ZNF444: variants seen among roughly 807,000 people sequenced by gnomAD.
The protein encoded by ZNF444 is endothelial zinc finger protein 2.
A neutral mutation model predicts 14.4 loss-of-function variants in ZNF444; 8 were observed. That is an observed-to-expected ratio of 0.56 (90% CI 0.33 to 1.00). ZNF444 has a LOEUF of 1.00. Ranked by LOEUF, ZNF444 falls within the 50% of genes least tolerant of loss-of-function variation. The pLI, the probability that ZNF444 is intolerant of heterozygous loss-of-function variation, is 0.03. For missense variants in ZNF444, 510 were observed against 504.8 expected (o/e 1.01, Z -0.10); for synonymous variants, 258 against 235.9 (o/e 1.09, Z -0.86).
chr19:56,159,510 C>T, intron 4 of ZNF444, 114 bp from the exon 5 acceptor site: 1 of 940,842 alleles, frequency 1.1e-6, no homozygotes, highest in Non-Finnish European at 1.5e-6. Flanking sequence ...CAGCCCTCTT[C>T]CCACCCCAAT....
chr19:56,159,969 C>T lies in ZNF444; in HGVS notation c.752C>T (p.Ala251Val), dbSNP rs552719499. 38 of 1,510,626 alleles carry T rather than the reference C, an allele frequency of 2.5e-5. No individual in the cohort carries two copies. In the East Asian group the frequency reaches 8.5e-4, roughly 34 times the overall value. The allele number at this position is 1,510,626 out of a possible 1,614,324, so 93.6% of individuals were successfully genotyped here. The stretch of plus-strand genomic sequence containing the variant: ...CTGCCCGCCCGTGAGAAGCCCCACG[C>T]GTGCTGCGAGTGTGGCAAGACCTTC... The part of the protein sequence containing the change: ...RPLPAREKPH[A>V]CCECGKTFYW... The change falls in exon 5 of 5, where the codon GCG becomes GTG. Residue 251 changes from alanine to valine, a missense_variant. Coordinates refer to ENST00000337080, the MANE Select transcript of ZNF444 (RefSeq NM_018337.4).
exon 1 of ZNF444, chr19:56,132,660 G>A (rs1024703780): frequency 9.8e-5 from 15 of 152,350 alleles, no homozygotes; most frequent in African/African-American, 3.6e-4. Flanking sequence ...GGCTGGAAGT[G>A]GGGGCGAGAC....
Position 56,144,557 on chromosome 19 carries a change from G to T in ZNF444, c.-196-1690G>T, listed in dbSNP as rs943307484. Among the ~76,000 whole-genome samples the T allele has an allele frequency of 2.6e-5, 4 of 152,150 alleles. No individual in the cohort carries two copies. The highest frequency in any genetic ancestry group is 9.7e-5 in the African/African-American group (4 of 41,422). ...TAGGTGGCGAGAGTAGGCATACACG[G>T]GTCTTGTGGCAGCCGTCCCAGCAAT... is the stretch of plus-strand genomic sequence containing the variant. On this transcript the variant is annotated intron_variant, in intron 1 of 4. Transcript: ENST00000337080. The surrounding 1 kb of genome is among the most constrained non-coding windows in gnomAD (Gnocchi z 4.0).
chr19:56,160,448 T>G lies in ZNF444; in HGVS notation c.*247T>G. On this transcript the variant is annotated 3_prime_UTR_variant, in exon 5 of 5. Coordinates refer to ENST00000337080, the MANE Select transcript of ZNF444 (RefSeq NM_018337.4). ...TCTCCCTGATTTCTCGGCCTCTCTC[T>G]CTGTGTGAAGGGGCCTCTCCCTAAT... 1 of 459,332 alleles carries G rather than the reference T, an allele frequency of 2.2e-6. No individual in the cohort carries two copies. Among genetic ancestry groups the G allele is most frequent in the South Asian group, 3.5e-5 (1 of 28,396 alleles). 28.5% of individuals were successfully genotyped at this position (459,332 alleles called of 1,614,324 possible). A position where few individuals can be genotyped will look rare whatever the true frequency, so the allele number is the denominator to read the frequency against.
At chr19:56,139,676 A>G (rs2030697918), upstream of ZNF444, among the ~76,000 whole-genome samples, 1 of 149,892 alleles carries the variant, frequency 6.7e-6, no homozygotes, top group Admixed American at 6.7e-5. Flanking sequence ...ACACAGCCAG[A>G]CCCTGTATCA....
intron 4 of ZNF444, among the ~76,000 whole-genome samples, chr19:56,159,395 C>A (rs1264706028): frequency 6.6e-6 from 1 of 152,128 alleles, no homozygotes; most frequent in Non-Finnish European, 1.5e-5. Context: ...ATTCATCTAC[C>A]CATCCATCAT....
upstream of ZNF444, among the ~76,000 whole-genome samples, chr19:56,136,372 G>T (rs1568544880): frequency 6.6e-6 from 1 of 152,272 alleles, no homozygotes; most frequent in East Asian, 1.9e-4. Context: ...CATTTCATCT[G>T]TCTCATTATA....
intron 3 of ZNF444, 159 bp from the exon 4 acceptor site, chr19:56,158,335 T>TG (rs2032033062): frequency 1.6e-6 from 1 of 642,656 alleles, no homozygotes; most frequent in African/African-American, 1.9e-5. Flanking sequence ...GTTCCTCACC[T>TG]GGGGGCCTCT....
chr19:56,134,044 A>C (rs2030554961), intron 1 of ZNF444, among the ~76,000 whole-genome samples: 1 of 151,800 alleles, frequency 6.6e-6, no homozygotes, highest in Non-Finnish European at 1.5e-5. Context: ...TCCATACGCC[A>C]TCCCCCCTTC....
rs569965622 is a variant in ZNF444, at chr19:56,145,518, G to A, written c.-196-729G>A. ...GGAGAATCGCTTGACCCTGGGAGGC[G>A]GAGGTTGCAGTGAACCAAGATCGCA... On this transcript the variant is annotated intron_variant, in intron 1 of 4. Coordinates refer to ENST00000337080, the MANE Select transcript of ZNF444 (RefSeq NM_018337.4). This position sits in a 1 kb window ranked among gnomAD's most constrained non-coding sequence, Gnocchi z 4.3. 1.3e-5 allele frequency among the ~76,000 whole-genome samples: 2 copies of A among 152,116 alleles called. No individual in the cohort carries two copies. The highest frequency in any genetic ancestry group is 2.4e-5 in the African/African-American group (1 of 41,492).
upstream of ZNF444, among the ~76,000 whole-genome samples, chr19:56,139,604 T>C (rs1400991478): frequency 6.6e-6 from 1 of 151,524 alleles, no homozygotes; most frequent in Non-Finnish European, 1.5e-5. Flanking sequence ...GAGAATCACT[T>C]GAGACTGGGA....
chr19:56,159,867 G>T lies in ZNF444; in HGVS notation c.650G>T (p.Arg217Leu). Residue 217 changes from arginine (R) to leucine (L), a missense_variant, in exon 5 of 5, where the codon CGG (arginine) becomes CTG (leucine). Transcript: ENST00000337080. ...TGCCCTGAGTGCGGGAAGGCCTTTC[G>T]GCGCAAGGAGCACCTGCGGCGCCAC... ...HACPECGKAFRRKEHLRRHRD... is the reference protein window; with the variant it reads ...HACPECGKAFLRKEHLRRHRD... 1 of 1,537,668 alleles carries T rather than the reference G, an allele frequency of 6.5e-7. No individual in the cohort carries two copies. The highest frequency in any genetic ancestry group is 8.7e-7 in the Non-Finnish European group (1 of 1,147,772).
At chr19:56,158,380 G>C in intron 3 of ZNF444, 114 bp from the exon 4 acceptor site, 2 of 1,005,388 alleles carry the variant, frequency 2.0e-6, no homozygotes, top group Non-Finnish European at 2.8e-6. Flanking sequence ...CAGCATGACT[G>C]TGGCTTCCTC....
chr19:56,147,060 G>A lies in ZNF444; in HGVS notation c.149G>A (p.Arg50Gln). The part of the protein sequence containing the change: ...LLRALCRDWL[R>Q]PEVHTKEQML... ...CGCGCCCTGTGCCGGGACTGGCTGCGGCCCGAGGTGCACACCAAGGAGCAG... is the reference window on the plus strand; with the variant it reads ...CGCGCCCTGTGCCGGGACTGGCTGCAGCCCGAGGTGCACACCAAGGAGCAG... The change falls in exon 3 of 5, where the codon CGG becomes CAG. Residue 50 changes from arginine (R) to glutamine (Q), a missense_variant. Coordinates refer to ENST00000337080, the MANE Select transcript of ZNF444 (RefSeq NM_018337.4). The surrounding 1 kb of genome is among the most constrained non-coding windows in gnomAD (Gnocchi z 5.9). The A allele has an allele frequency of 6.3e-7, 1 of 1,575,012 alleles. No homozygotes were observed. The highest frequency in any genetic ancestry group is 8.6e-7 in the Non-Finnish European group (1 of 1,165,192).
upstream of ZNF444, among the ~76,000 whole-genome samples, chr19:56,140,384 TCTTCAC>T (rs778822910): frequency 2.1e-4 from 32 of 152,078 alleles, no homozygotes; most frequent in Non-Finnish European, 3.7e-4. Flanking sequence ...CAAATATGCT[TCTTCAC>T]AGTTCTGAGA....
chr19:56,148,131 C>T (rs1187920052), intron 3 of ZNF444, among the ~76,000 whole-genome samples: 1 of 152,224 alleles, frequency 6.6e-6, no homozygotes, highest in African/African-American at 2.4e-5. Flanking sequence ...TCATGGACCC[C>T]AATGTGTTCA....
chr19:56,138,911 C>T (rs1268456307), upstream of ZNF444, among the ~76,000 whole-genome samples: 3 of 147,006 alleles, frequency 2.0e-5, no homozygotes, highest in African/African-American at 7.5e-5. Context: ...ATTCTCTGGC[C>T]TCACCCTCCC....
chr19:56,148,962 G>C (rs1039158498), intron 3 of ZNF444, among the ~76,000 whole-genome samples: 1 of 152,088 alleles, frequency 6.6e-6, no homozygotes. Context: ...GAGGCTGCCC[G>C]CATTCCTCGG....
upstream of ZNF444, among the ~76,000 whole-genome samples, chr19:56,139,245 G>A (rs959111761): frequency 1.3e-5 from 2 of 152,148 alleles, no homozygotes; most frequent in Admixed American, 6.6e-5. Context: ...CAGAAGAGGC[G>A]AGAGTGGAAG....
Sources: gnomAD v4.1 joint callset for allele counts (sites outside exome capture counted in the v4.1 genomes callset) on GRCh38, gnomAD v4.1.1 for gene constraint, Gnocchi (gnomAD v3.1) non-coding constraint, MANE v1.5 for transcripts, NCBI Gene and HGNC (gene_info 2026-07-23, HGNC 2026-07-21) for gene names.